SECISBP2L: variants seen among roughly 807,000 people sequenced by gnomAD.
SECISBP2L encodes the protein SECIS binding protein 2 like.
In SECISBP2L, 43 loss-of-function variants were observed where a neutral mutation model predicts 114.7. The observed-to-expected ratio is 0.38, with a 90% CI of 0.29 to 0.48. SECISBP2L has a LOEUF of 0.48. Ranked by LOEUF, SECISBP2L falls within the 20% of genes least tolerant of loss-of-function variation. SECISBP2L has a pLI of 0.98. For synonymous variants in SECISBP2L, 451 were observed against 439.7 expected, an observed-to-expected ratio of 1.03 and a Z score of -0.32; for missense variants, 1,136 against 1,301.1, an observed-to-expected ratio of 0.87 and a Z score of 1.95.
intron 11 of SECISBP2L, among the ~76,000 whole-genome samples, chr15:49,013,926 T>C (rs1902488746): frequency 6.6e-6 from 1 of 152,184 alleles, no homozygotes; most frequent in East Asian, 1.9e-4. Flanking sequence ...GATGCTAGAA[T>C]CTTCTATCTA....
chr15:49,037,496 TAA>T (rs1451346338), intron 2 of SECISBP2L, 93 bp downstream of exon 2: 25 of 1,090,726 alleles, frequency 2.3e-5, no homozygotes, highest in African/African-American at 3.2e-5. Context: ...GAGAAATGGT[TAA>T]AGTCTAAAAG....
intron 9 of SECISBP2L, 126 bp from the exon 10 acceptor site, chr15:49,017,141 A>G: frequency 1.1e-6 from 1 of 921,430 alleles, no homozygotes; most frequent in East Asian, 2.7e-5. Flanking sequence ...ATTCAATGTC[A>G]TAAAGAACAG....
Position 49,027,388 on chromosome 15 carries a change from T to C in SECISBP2L, c.1012A>G (p.Thr338Ala), listed in dbSNP as rs749351130. Residue 338 changes from threonine to alanine, a missense_variant, in exon 7 of 18, where the codon ACT (threonine) becomes GCT (alanine). Thr to Ala is a moderately conservative substitution (Grantham distance 58). Coordinates refer to ENST00000559471, the MANE Select transcript of SECISBP2L (RefSeq NM_001193489.2). ...NQTFSRGGRQ[T>A]EQRNNSQVGF... ...ACCTGTGAATTATTTCTTTGTTCAGTTTGCCTTCCACCTCTAGAAAATGTC... is the reference window on the plus strand; with the variant it reads ...ACCTGTGAATTATTTCTTTGTTCAGCTTGCCTTCCACCTCTAGAAAATGTC... 1 of 1,610,642 alleles carries C rather than the reference T, an allele frequency of 6.2e-7. No homozygotes were observed. Among genetic ancestry groups the C allele is most frequent in the Non-Finnish European group, 8.5e-7 (1 of 1,177,746 alleles).
Position 48,991,264 on chromosome 15 carries a change from T to C in SECISBP2L, c.*980A>G, listed in dbSNP as rs1901972807. ...TATGTGGAAGGTGCTCAAGGCTAGG[T>C]GCAAAATAGGTATTTTTTAAAAGGT... On this transcript the variant is annotated 3_prime_UTR_variant, in exon 18 of 18. Transcript: ENST00000559471. 1 of 152,164 alleles carries C rather than the reference T, an allele frequency of 6.6e-6. No homozygotes were observed. The highest frequency in any genetic ancestry group is 2.4e-5 in the African/African-American group (1 of 41,430). 9.4% of individuals were successfully genotyped at this position (152,164 alleles called of 1,614,324 possible).
At chr15:49,013,575 G>A (rs772786470) in intron 11 of SECISBP2L, among the ~76,000 whole-genome samples, 16 of 152,316 alleles carry the variant, frequency 1.1e-4, no homozygotes, top group South Asian at 2.1e-4. Flanking sequence ...GATTACAGGC[G>A]TGAGCCACTA....
chr15:49,036,489 C>T (rs905013881), intron 2 of SECISBP2L, among the ~76,000 whole-genome samples: 2 of 152,132 alleles, frequency 1.3e-5, no homozygotes, highest in African/African-American at 4.8e-5. Context: ...CATAAATTCA[C>T]AAAGATTATT....
chr15:49,036,868 A>G (rs1903019610), intron 2 of SECISBP2L, among the ~76,000 whole-genome samples: 1 of 152,248 alleles, frequency 6.6e-6, no homozygotes, highest in South Asian at 2.1e-4. Context: ...CAGGAATGAC[A>G]GAGCCTATAG....
chr15:49,005,560 CTTTTTTTT>C (rs752466722), intron 14 of SECISBP2L, among the ~76,000 whole-genome samples: 2 of 36,746 alleles, frequency 5.4e-5, no homozygotes, highest in African/African-American at 1.3e-4. Context: ...GCAACCCCTG[CTTTTTTTT>C]TTTTTTTTTT....
Position 48,995,851 on chromosome 15 carries a change from C to G in SECISBP2L, c.2623+516G>C, listed in dbSNP as rs559899084. ...ATAAGCCTAGAGTGAATATTATTCA[C>G]GTCTGTAGTTTACTTAGTAAATACA... On this transcript the variant is annotated intron_variant, in intron 17 of 17. Transcript: ENST00000559471. The G allele has an allele frequency of 7.2e-4, 111 of 154,436 alleles. 3 individuals are homozygous for G. In the South Asian group the frequency reaches 0.021, roughly 30 times the overall value. 9.6% of individuals were successfully genotyped at this position (154,436 alleles called of 1,614,324 possible). A position where few individuals can be genotyped will look rare whatever the true frequency, so the allele number is the denominator to read the frequency against.
chr15:49,028,657 C>G lies in SECISBP2L; in HGVS notation c.690G>C (p.Lys230Asn). ...QTDFPSDIANKSLSETTATML... is the reference protein window; with the variant it reads ...QTDFPSDIANNSLSETTATML... ...TTGTTGCAGTGGTCTCTGAGAGAGA[C>G]TTGTTAGCGATATCTGATGGGAAAT... Residue 230 changes from lysine to asparagine, a missense_variant, in exon 5 of 18, where the codon AAG (lysine) becomes AAC (asparagine). By Grantham distance (94) the Lys-to-Asn change is moderately conservative. Transcript: ENST00000559471. 1 of 1,614,082 alleles carries G rather than the reference C, an allele frequency of 6.2e-7. No homozygotes were observed.
At chr15:49,004,744 G>T (rs993128077) in intron 14 of SECISBP2L, among the ~76,000 whole-genome samples, 2 of 152,188 alleles carry the variant, frequency 1.3e-5, no homozygotes, top group African/African-American at 4.8e-5. Context: ...GTGCAGTTTT[G>T]AGTGAGTTTA....
chr15:49,031,781 G>A (rs1280472379), intron 4 of SECISBP2L, among the ~76,000 whole-genome samples: 1 of 152,006 alleles, frequency 6.6e-6, no homozygotes, highest in Non-Finnish European at 1.5e-5. Flanking sequence ...TCTAATTCCT[G>A]TGCCTTAGAA....
chr15:49,002,062 T>C (rs1902222927), intron 14 of SECISBP2L: 1 of 152,178 alleles, frequency 6.6e-6, no homozygotes, highest in Admixed American at 6.5e-5. Flanking sequence ...TTGAACTAAT[T>C]TACACTCACA....
At chr15:49,019,313 A>G (rs1902595525) in intron 8 of SECISBP2L, 105 bp downstream of exon 8, 2 of 886,002 alleles carry the variant, frequency 2.3e-6, no homozygotes, top group African/African-American at 1.7e-5. Flanking sequence ...CTAGAATCAC[A>G]TGTTAAGACA....
intron 7 of SECISBP2L, among the ~76,000 whole-genome samples, chr15:49,024,738 T>C (rs541399230): frequency 1.4e-4 from 21 of 152,184 alleles, no homozygotes; most frequent in African/African-American, 4.1e-4. Context: ...AAATTGCAAA[T>C]AGGGAAAAAC....
At chr15:49,011,951 T>C (rs1902446087) in intron 12 of SECISBP2L, 88 bp from the exon 13 acceptor site, 4 of 1,422,216 alleles carry the variant, frequency 2.8e-6, no homozygotes, top group South Asian at 2.6e-5. Flanking sequence ...ACAGGTATGG[T>C]AGTTCACTTA....
chr15:48,992,879 A>T lies in SECISBP2L; in HGVS notation c.2671T>A (p.Ser891Thr). ...MVETSDGLEA[S>T]ENEKEVSCKH... ...CAGGATACCTCTTTCTCATTTTCTG[A>T]TGCTTCCAGTCCATCTGAAGTTTCC... The change falls in exon 18 of 18, where the codon TCA (serine) becomes ACA (threonine). Residue 891 changes from serine (S) to threonine (T), a missense_variant. By Grantham distance (58) the Ser-to-Thr change is moderately conservative. Coordinates refer to ENST00000559471, the MANE Select transcript of SECISBP2L (RefSeq NM_001193489.2). 1 of 1,614,080 alleles carries T rather than the reference A, an allele frequency of 6.2e-7. No individual in the cohort carries two copies. The highest frequency in any genetic ancestry group is 2.2e-5 in the East Asian group (1 of 44,884).
chr15:49,000,656 G>A (rs1902184234), intron 15 of SECISBP2L, among the ~76,000 whole-genome samples: 1 of 152,196 alleles, frequency 6.6e-6, no homozygotes, highest in African/African-American at 2.4e-5. Flanking sequence ...GGGCCAAACT[G>A]AAATCTTCCA....
At chr15:49,019,573 A>G (rs756711395) in intron 7 of SECISBP2L, 21 bp from the exon 8 acceptor site, 13 of 1,428,866 alleles carry the variant, frequency 9.1e-6, no homozygotes, top group East Asian at 2.7e-5. Context: ...CCCAGAGGGG[A>G]AAAAAAATCT....
Sources: gnomAD v4.1 joint callset for allele counts (sites outside exome capture counted in the v4.1 genomes callset) on GRCh38, gnomAD v4.1.1 for gene constraint, MANE v1.5 for transcripts, NCBI Gene and HGNC (gene_info 2026-07-23, HGNC 2026-07-21) for gene names.